PRDM16: variants seen among roughly 807,000 people sequenced by gnomAD.
PRDM16 encodes the protein histone-lysine N-methyltransferase PRDM16.
A neutral mutation model predicts 110.6 loss-of-function variants in PRDM16; 23 were observed. The ratio of observed to expected loss-of-function variants is 0.21; its 90% CI spans 0.15 to 0.29. The LOEUF is 0.29. Among genes scored for constraint, PRDM16 ranks in the 10% least tolerant of loss-of-function variants. PRDM16 has a pLI of 1.00. For missense variants in PRDM16, 1,615 were observed against 1,794.3 expected, an observed-to-expected ratio of 0.90 and a Z score of 1.81; for synonymous variants, 799 against 781.8, an observed-to-expected ratio of 1.02 and a Z score of -0.37.
chr1:3,173,253 G>C (rs1202365108), intron 1 of PRDM16, among the ~76,000 whole-genome samples: 1 of 152,190 alleles, frequency 6.6e-6, no homozygotes, highest in Non-Finnish European at 1.5e-5. Context: ...AAGAAAAAAG[G>C]CCAAATCACA....
At chr1:3,412,923 C>A in intron 9 of PRDM16, 123 bp downstream of exon 9, 1 of 808,574 alleles carries the variant, frequency 1.2e-6, no homozygotes, top group Non-Finnish European at 1.8e-6. Flanking sequence ...CCTTTGCTGA[C>A]TTCAGGAAGA....
intron 1 of PRDM16, among the ~76,000 whole-genome samples, chr1:3,145,762 A>G (rs1156960492): frequency 6.6e-6 from 1 of 152,142 alleles, no homozygotes; most frequent in African/African-American, 2.4e-5. Flanking sequence ...CAGTGAGGTC[A>G]TTCCTGCCCA....
chr1:3,301,762 TGTACCCAG>T (rs1193143085), intron 3 of PRDM16, among the ~76,000 whole-genome samples: 1 of 152,164 alleles, frequency 6.6e-6, no homozygotes, highest in Non-Finnish European at 1.5e-5. Flanking sequence ...ACATCCAGGG[TGTACCCAG>T]GCACACAGGG....
intron 2 of PRDM16, among the ~76,000 whole-genome samples, chr1:3,212,093 C>G (rs2100846625): frequency 6.6e-6 from 1 of 152,338 alleles, no homozygotes; most frequent in South Asian, 2.1e-4. Flanking sequence ...TGCTAATTTG[C>G]ACTCCATTCA....
intron 3 of PRDM16, among the ~76,000 whole-genome samples, chr1:3,261,261 G>T (rs1409711628): frequency 1.3e-5 from 2 of 152,136 alleles, no homozygotes; most frequent in Non-Finnish European, 2.9e-5. Context: ...CTTCCTGCGA[G>T]ATAGCAAGTG....
intron 3 of PRDM16, among the ~76,000 whole-genome samples, chr1:3,328,187 C>A (rs1319947150): frequency 6.6e-6 from 1 of 152,254 alleles, no homozygotes; most frequent in East Asian, 1.9e-4. Flanking sequence ...TCCCCAGGCA[C>A]CACAGCCCTG....
At chr1:3,413,000 G>A (rs1192552642) in intron 9 of PRDM16, among the ~76,000 whole-genome samples, 200 bp downstream of exon 9, 1 of 152,180 alleles carries the variant, frequency 6.6e-6, no homozygotes, top group Non-Finnish European at 1.5e-5. Context: ...TCCTAAGCTA[G>A]GTGCCTGGCC....
At chr1:3,283,112 T>G (rs535216363) in intron 3 of PRDM16, among the ~76,000 whole-genome samples, 13 of 152,214 alleles carry the variant, frequency 8.5e-5, no homozygotes, top group African/African-American at 2.9e-4. Context: ...CTCCCGACAC[T>G]TGGTTTTGGA....
chr1:3,217,137 G>A (rs1295659254), intron 2 of PRDM16, among the ~76,000 whole-genome samples: 1 of 152,248 alleles, frequency 6.6e-6, no homozygotes, highest in Non-Finnish European at 1.5e-5. Context: ...AAAAGCCCCG[G>A]GTGGCCTTCT....
chr1:3,261,282 C>T (rs918322276), intron 3 of PRDM16, among the ~76,000 whole-genome samples: 6 of 152,026 alleles, frequency 3.9e-5, no homozygotes, highest in African/African-American at 1.2e-4. Flanking sequence ...AATTGTGAGC[C>T]GCGAATTACT....
chr1:3,146,909 A>G (rs1292124992), intron 1 of PRDM16, among the ~76,000 whole-genome samples: 85 of 22,358 alleles, frequency 3.8e-3, no homozygotes, highest in African/African-American at 8.5e-3. Context: ...GTGTGTGCTC[A>G]GTGTGGGGGG....
At chr1:3,088,590 C>G (rs993957223) in intron 1 of PRDM16, among the ~76,000 whole-genome samples, 3 of 150,304 alleles carry the variant, frequency 2.0e-5, no homozygotes, top group South Asian at 4.2e-4. Context: ...CTCAGCCTCC[C>G]GAGTAGCTGG....
intron 3 of PRDM16, among the ~76,000 whole-genome samples, chr1:3,293,067 G>A (rs4648376): frequency 0.48 from 72,704 of 152,148 alleles, 18,157 homozygotes; most frequent in Admixed American, 0.56. Context: ...CTTTCACAGG[G>A]ACATCGCCCA....
chr1:3,331,450 TTGAATGAA>T (rs59248922), intron 3 of PRDM16, among the ~76,000 whole-genome samples: 1 of 151,486 alleles, frequency 6.6e-6, no homozygotes, highest in South Asian at 2.1e-4. Context: ...AGCACGTTTG[TTGAATGAA>T]TGAATGAATG....
intron 4 of PRDM16, chr1:3,386,879 T>A (rs1427425403): frequency 6.6e-6 from 1 of 152,226 alleles, no homozygotes; most frequent in Non-Finnish European, 1.5e-5. Flanking sequence ...AGATTTTTTT[T>A]ATTTAAGAAA....
At chr1:3,414,065 C>T (rs1036317480) in intron 9 of PRDM16, among the ~76,000 whole-genome samples, 3 of 152,182 alleles carry the variant, frequency 2.0e-5, no homozygotes, top group Non-Finnish European at 2.9e-5. Context: ...AGAGAAGGAG[C>T]GGAGGAGGCC....
At chr1:3,400,822 G>A (rs1643456206) in intron 5 of PRDM16, among the ~76,000 whole-genome samples, 1 of 152,198 alleles carries the variant, frequency 6.6e-6, no homozygotes, top group Admixed American at 6.5e-5. Context: ...TTGACCAGCA[G>A]TGGTGCCTGC....
At position 3,209,650 on chromosome 1, in the gene PRDM16, C is replaced by T. The variant is rs181050501; in HGVS notation, c.387+23176C>T. Among the ~76,000 whole-genome samples, 253 of 152,348 alleles carry T rather than the reference C, an allele frequency of 1.7e-3. 1 individual carries two copies. The highest frequency in any genetic ancestry group is 3.0e-3 in the Non-Finnish European group (204 of 68,036). On this transcript the variant is annotated intron_variant, in intron 2 of 16. Coordinates refer to ENST00000270722, the MANE Select transcript of PRDM16 (RefSeq NM_022114.4). The surrounding 1 kb of genome is among the most constrained non-coding windows in gnomAD (Gnocchi z 4.6). The stretch of plus-strand genomic sequence containing the variant: ...ATCCTTTGTCGAGACCAATTGGCCA[C>T]AAATGCCACCTCCTGCTTCTGGAGA...
At chr1:3,431,247 A>G in intron 15 of PRDM16, 139 bp downstream of exon 15, 1 of 1,378,922 alleles carries the variant, frequency 7.3e-7, no homozygotes, top group South Asian at 1.4e-5. Flanking sequence ...CAGGGCCTCC[A>G]CACACAGGCC....
Sources: allele counts gnomAD v4.1 joint callset (sites outside exome capture counted in the v4.1 genomes callset), GRCh38; gene constraint gnomAD v4.1.1; non-coding constraint Gnocchi (gnomAD v3.1); transcripts MANE v1.5; gene names NCBI Gene and HGNC (gene_info 2026-07-23, HGNC 2026-07-21).